Variants in TPST1 observed in about 807,000 individuals in gnomAD.
TPST1 encodes protein-tyrosine sulfotransferase 1.
In TPST1, 20 loss-of-function variants were observed where a neutral mutation model predicts 34.8. The ratio of observed to expected loss-of-function variants is 0.57; its 90% confidence interval spans 0.40 to 0.84. The LOEUF is 0.84. Among genes scored for constraint, TPST1 ranks in the 40% least tolerant of loss-of-function variants. TPST1 has a pLI of 0.00. For synonymous variants in TPST1, 152 were observed against 159.4 expected (o/e 0.95, Z 0.35); for missense variants, 353 against 455.5 (o/e 0.78, Z 2.05).
chr7:66,276,611 ATTTC>A (rs1790822726), intron 2 of TPST1, among the ~76,000 whole-genome samples: 1 of 151,688 alleles, frequency 6.6e-6, no homozygotes, highest in Non-Finnish European at 1.5e-5. Flanking sequence ...TTCACTTATA[ATTTC>A]TTTTAAGATT....
intron 2 of TPST1, among the ~76,000 whole-genome samples, chr7:66,259,371 C>G (rs1462490634): frequency 6.6e-6 from 1 of 152,112 alleles, no homozygotes; most frequent in African/African-American, 2.4e-5. Flanking sequence ...CTGTAGTGAT[C>G]TGTAGAACCT....
chr7:66,207,518 C>T (rs1293988237), intron 1 of TPST1, among the ~76,000 whole-genome samples: 2 of 152,194 alleles, frequency 1.3e-5, no homozygotes, highest in Non-Finnish European at 2.9e-5. Flanking sequence ...CAGGTTTCCA[C>T]CATTCAGACC....
At chr7:66,328,886 C>CTCTCTCTCTCTCTATA (rs757168858) in intron 3 of TPST1, among the ~76,000 whole-genome samples, 2 of 22,096 alleles carry the variant, frequency 9.1e-5, no homozygotes, top group Non-Finnish European at 1.5e-4. Flanking sequence ...CTCTCTCTCT[C>CTCTCTCTCTCTCTATA]TATATATATA....
chr7:66,249,983 G>T (rs6971509), intron 2 of TPST1, among the ~76,000 whole-genome samples: 92,328 of 152,090 alleles, frequency 0.61, 28,665 homozygotes, highest in African/African-American at 0.73. Flanking sequence ...TTGATACTTT[G>T]AAGCTGGCTA....
At chr7:66,278,946 CTT>C (rs1368945073) in intron 2 of TPST1, among the ~76,000 whole-genome samples, 1 of 151,992 alleles carries the variant, frequency 6.6e-6, no homozygotes, top group African/African-American at 2.4e-5. Context: ...TTCTTTCCAA[CTT>C]TTAGGTTCAG....
intron 3 of TPST1, among the ~76,000 whole-genome samples, chr7:66,336,371 TA>T (rs1227513377): frequency 1.3e-5 from 2 of 151,310 alleles, no homozygotes; most frequent in Non-Finnish European, 2.9e-5. Context: ...AAATGAAATT[TA>T]GAAAGCAATC....
At chr7:66,232,000 T>G (rs954601590) in intron 1 of TPST1, among the ~76,000 whole-genome samples, 12 of 152,262 alleles carry the variant, frequency 7.9e-5, no homozygotes, top group African/African-American at 2.9e-4. Context: ...AATACTGTAT[T>G]TTGTGGATAT....
At chr7:66,253,386 T>C (rs987397306) in intron 2 of TPST1, among the ~76,000 whole-genome samples, 21 of 151,166 alleles carry the variant, frequency 1.4e-4, no homozygotes, top group African/African-American at 4.9e-4. Context: ...TTTTTTTTTT[T>C]TTGAGACAGA....
At chr7:66,352,441 CATGTCCTGCA>C (rs1584262424) in intron 3 of TPST1, 54 bp from the exon 4 acceptor site, 9 of 1,580,270 alleles carry the variant, frequency 5.7e-6, no homozygotes, top group Non-Finnish European at 4.3e-6. Flanking sequence ...AGGCATGGCA[CATGTCCTGCA>C]ATGATGGGGA....
intron 2 of TPST1, among the ~76,000 whole-genome samples, chr7:66,262,030 G>A (rs191490520): frequency 9.1e-4 from 139 of 152,228 alleles, no homozygotes; most frequent in Non-Finnish European, 1.6e-3. Context: ...GTGACTGTGT[G>A]GTCTTGTGCT....
chr7:66,266,128 G>A (rs141759867), intron 2 of TPST1, among the ~76,000 whole-genome samples: 8 of 152,262 alleles, frequency 5.3e-5, no homozygotes, highest in Admixed American at 1.3e-4. Context: ...AAAGGAGACC[G>A]TCCAATAATC....
At chr7:66,271,022 A>C (rs1395696743) in intron 2 of TPST1, among the ~76,000 whole-genome samples, 4 of 152,224 alleles carry the variant, frequency 2.6e-5, no homozygotes, top group African/African-American at 9.6e-5. Context: ...ATATACAAAA[A>C]GCATAATAAA....
chr7:66,326,861 T>C (rs560115375), intron 3 of TPST1, among the ~76,000 whole-genome samples: 2 of 152,356 alleles, frequency 1.3e-5, no homozygotes, highest in South Asian at 4.1e-4. Context: ...CTTCTTGATA[T>C]AAGTATTGAC....
At chr7:66,211,976 A>G (rs959332314) in intron 1 of TPST1, among the ~76,000 whole-genome samples, 3 of 152,158 alleles carry the variant, frequency 2.0e-5, no homozygotes, top group African/African-American at 7.2e-5. Flanking sequence ...AAAAGAAACA[A>G]ACAAAAAAAC....
At chr7:66,202,578 G>A (rs1789044302), upstream of TPST1, among the ~76,000 whole-genome samples, 3 of 152,172 alleles carry the variant, frequency 2.0e-5, no homozygotes, top group South Asian at 6.2e-4. Flanking sequence ...CTACTTTGTG[G>A]AAAGAGCCTG....
intron 1 of TPST1, among the ~76,000 whole-genome samples, chr7:66,213,351 T>C (rs1039608803): frequency 2.0e-5 from 3 of 152,218 alleles, no homozygotes; most frequent in South Asian, 2.1e-4. Context: ...CACCGAGTTA[T>C]TATTTTGGTT....
chr7:66,219,826 C>G (rs756781154), intron 1 of TPST1, among the ~76,000 whole-genome samples: 2 of 152,132 alleles, frequency 1.3e-5, no homozygotes, highest in African/African-American at 2.4e-5. Flanking sequence ...TGCCATGTAG[C>G]AGTATATTAA....
At chr7:66,242,138 T>C (rs1790048785) in intron 2 of TPST1, among the ~76,000 whole-genome samples, 1 of 152,158 alleles carries the variant, frequency 6.6e-6, no homozygotes, top group Non-Finnish European at 1.5e-5. Context: ...AATGAGGATA[T>C]AAAAATGGAA....
At chr7:66,204,254 A>G (rs1002101379), upstream of TPST1, among the ~76,000 whole-genome samples, 3 of 152,172 alleles carry the variant, frequency 2.0e-5, no homozygotes, top group Non-Finnish European at 2.9e-5. Context: ...ATGCTACAAC[A>G]TGGATGAACT....
Sources: allele counts gnomAD v4.1 joint callset (sites outside exome capture counted in the v4.1 genomes callset), GRCh38; gene constraint gnomAD v4.1.1; transcripts MANE v1.5; gene names NCBI Gene and HGNC (gene_info 2026-07-23, HGNC 2026-07-21).